SEC23B: variants seen among roughly 807,000 people sequenced by gnomAD.
SEC23B encodes protein transport protein Sec23B.
Under a neutral mutation model 104.3 loss-of-function variants are expected in SEC23B, and 77 were observed. The ratio of observed to expected loss-of-function variants is 0.74; its 90% CI spans 0.61 to 0.89. The LOEUF (loss-of-function observed/expected upper bound fraction) is 0.89. Among genes scored for constraint, SEC23B ranks in the 40% least tolerant of loss-of-function variants. SEC23B has a pLI of 0.00. For synonymous variants in SEC23B, 338 were observed against 332.5 expected (o/e 1.02, Z -0.18); for missense variants, 885 against 949.4 (o/e 0.93, Z 0.89).
chr20:18,537,616 T>C (rs149128441), intron 12 of SEC23B, among the ~76,000 whole-genome samples: 1 of 152,016 alleles, frequency 6.6e-6, no homozygotes, highest in African/African-American at 2.4e-5. Flanking sequence ...GGAATAACAT[T>C]AGGAGATATA....
In SEC23B at chr20:18,543,225, G is replaced by A. The variant is rs564194910; in HGVS notation, c.1665+53G>A. 8.2e-5 allele frequency: 132 copies of A among 1,606,786 alleles called. 1 individual carries two copies. The highest frequency in any genetic ancestry group is 5.3e-4 in the South Asian group (48 of 90,868). On this transcript the variant is annotated intron_variant, in intron 14 of 19. Transcript: ENST00000650089. ...CAGTCTTGGTTTCTGCTTTACTTTCGAGAAGAAAATTGTCACTTAATTATT... is the reference window on the plus strand; with the variant it reads ...CAGTCTTGGTTTCTGCTTTACTTTCAAGAAGAAAATTGTCACTTAATTATT...
chr20:18,520,285 A>C (rs930796866), intron 4 of SEC23B, among the ~76,000 whole-genome samples: 1 of 152,188 alleles, frequency 6.6e-6, no homozygotes, highest in Non-Finnish European at 1.5e-5. Context: ...AGGCCATGCT[A>C]TAACAAGCGA....
chr20:18,522,496 A>G (rs1350329282), intron 4 of SEC23B, among the ~76,000 whole-genome samples: 1 of 152,180 alleles, frequency 6.6e-6, no homozygotes, highest in Non-Finnish European at 1.5e-5. Flanking sequence ...TGAAAAGACC[A>G]CTTACCCGAT....
chr20:18,526,951 C>G (rs2060139558), intron 8 of SEC23B, among the ~76,000 whole-genome samples: 1 of 152,284 alleles, frequency 6.6e-6, no homozygotes, highest in African/African-American at 2.4e-5. Context: ...AGTGGTGACT[C>G]ACGCCTGTAG....
At position 18,526,388 on chromosome 20, in the gene SEC23B, A is replaced by G. The variant is rs761829631; in HGVS notation, c.850A>G (p.Thr284Ala). ...GCTATTTTAGGGCACTTTTCCAAAC[A>G]CAGGAGCCAGGATCATGCTGTTTAC... ...VGLLEGTFPNTGARIMLFTGG... is the reference protein window; with the variant it reads ...VGLLEGTFPNAGARIMLFTGG... Residue 284 changes from threonine to alanine, a missense_variant, in exon 8 of 20, where the codon ACA (threonine) becomes GCA (alanine). Physicochemically the swap from Thr to Ala is moderately conservative, Grantham distance 58. Coordinates refer to ENST00000650089, the MANE Select transcript of SEC23B (RefSeq NM_006363.6). The G allele has an allele frequency of 1.2e-6, 2 of 1,613,992 alleles. No homozygotes were observed. The highest frequency in any genetic ancestry group is 1.3e-5 in the African/African-American group (1 of 74,926).
chr20:18,520,115 G>T (rs887146649), intron 4 of SEC23B, among the ~76,000 whole-genome samples: 1 of 152,176 alleles, frequency 6.6e-6, no homozygotes, highest in Admixed American at 6.5e-5. Flanking sequence ...GAGTTGTGGA[G>T]GGAGGTATTG....
chr20:18,520,765 A>C (rs1406660493), intron 4 of SEC23B, among the ~76,000 whole-genome samples: 1 of 151,938 alleles, frequency 6.6e-6, no homozygotes, highest in Non-Finnish European at 1.5e-5. Context: ...ACTGATTAAG[A>C]AGGCGACGGA....
chr20:18,548,783 C>T lies in SEC23B; in HGVS notation c.1905+13C>T. On this transcript the variant is annotated intron_variant, in intron 16 of 19. Coordinates refer to ENST00000650089, the MANE Select transcript of SEC23B (RefSeq NM_006363.6). The stretch of plus-strand genomic sequence containing the variant: ...TGGGCCACCAGAGGTGAGGCTCTAC[C>T]CAAATGCTTTCCTGAGGATTGGAAT... 1 of 1,613,146 alleles carries T rather than the reference C, an allele frequency of 6.2e-7. No homozygotes were observed. The highest frequency in any genetic ancestry group is 8.5e-7 in the Non-Finnish European group (1 of 1,179,124).
chr20:18,544,909 A>G (rs6081203), intron 14 of SEC23B, among the ~76,000 whole-genome samples: 103,537 of 152,076 alleles, frequency 0.68, 36,691 homozygotes, highest in Non-Finnish European at 0.8. Flanking sequence ...TCAGCACTGA[A>G]TGACATTTCA....
intron 16 of SEC23B, among the ~76,000 whole-genome samples, chr20:18,550,577 A>T (rs1197210664): frequency 6.6e-6 from 1 of 152,202 alleles, no homozygotes; most frequent in Admixed American, 6.5e-5. Flanking sequence ...TACATACAAA[A>T]CTGAGAATAT....
chr20:18,543,471 T>C (rs2060307344), intron 14 of SEC23B, among the ~76,000 whole-genome samples: 1 of 152,224 alleles, frequency 6.6e-6, no homozygotes, highest in African/African-American at 2.4e-5. Context: ...TGTATTTTTC[T>C]TCTAAATCTG....
intron 1 of SEC23B, 61 bp from the exon 2 acceptor site, chr20:18,510,759 CTT>C (rs1568595490): frequency 7.6e-7 from 1 of 1,313,382 alleles, no homozygotes; most frequent in Admixed American, 1.8e-5. Flanking sequence ...GACCCATCTT[CTT>C]TTTTTGACAT....
chr20:18,558,905 C>A (rs1416141992), intron 19 of SEC23B, among the ~76,000 whole-genome samples: 1 of 152,186 alleles, frequency 6.6e-6, no homozygotes, highest in African/African-American at 2.4e-5. Context: ...TTAGTGTTAA[C>A]ACCTGTCACT....
intron 9 of SEC23B, among the ~76,000 whole-genome samples, chr20:18,529,689 A>G (rs545594530): frequency 6.6e-6 from 1 of 152,316 alleles, no homozygotes; most frequent in African/African-American, 2.4e-5. Flanking sequence ...TCCACATATA[A>G]AGGACACAGC....
intron 4 of SEC23B, among the ~76,000 whole-genome samples, chr20:18,521,575 T>C (rs561313981): frequency 2.6e-4 from 39 of 152,174 alleles, no homozygotes; most frequent in African/African-American, 8.7e-4. Context: ...GGAGGGCTAG[T>C]CGTGGAACGA....
intron 9 of SEC23B, among the ~76,000 whole-genome samples, chr20:18,528,672 G>T (rs1175910777): frequency 6.6e-6 from 1 of 152,222 alleles, no homozygotes; most frequent in African/African-American, 2.4e-5. Context: ...TTAGGTGATA[G>T]AATTAGGGTC....
chr20:18,556,165 C>A (rs1255313273), intron 19 of SEC23B, among the ~76,000 whole-genome samples: 2 of 152,100 alleles, frequency 1.3e-5, no homozygotes, highest in African/African-American at 4.8e-5. Flanking sequence ...GCTGTAAATA[C>A]AAATGAAGCT....
intron 11 of SEC23B, among the ~76,000 whole-genome samples, chr20:18,533,462 T>G (rs2060203404): frequency 6.6e-6 from 1 of 152,134 alleles, no homozygotes; most frequent in Non-Finnish European, 1.5e-5. Context: ...AGGTGCAGGT[T>G]TACACCCCGC....
intron 11 of SEC23B, among the ~76,000 whole-genome samples, chr20:18,534,258 A>G (rs1203748005): frequency 2.0e-5 from 3 of 152,210 alleles, no homozygotes. Flanking sequence ...TCCTACCACG[A>G]TGTCATTATC....
Sources: gnomAD v4.1 joint callset for allele counts (sites outside exome capture counted in the v4.1 genomes callset) on GRCh38, gnomAD v4.1.1 for gene constraint, MANE v1.5 for transcripts, NCBI Gene and HGNC (gene_info 2026-07-23, HGNC 2026-07-21) for gene names.